PEX13: variants seen among roughly 807,000 people sequenced by gnomAD.
The protein encoded by PEX13 is peroxisome biogenesis factor 13.
A neutral mutation model predicts 34.5 loss-of-function variants in PEX13; 28 were observed. The ratio of observed to expected loss-of-function variants is 0.81; its 90% confidence interval spans 0.60 to 1.11. The LOEUF (loss-of-function observed/expected upper bound fraction) is 1.11, where lower values mean the gene tolerates loss of function less well. PEX13 is among the 50% of genes most tolerant of loss of function. The pLI, the probability that PEX13 is intolerant of heterozygous loss-of-function variation, is 0.00. For missense variants in PEX13, 550 were observed against 491.0 expected (o/e 1.12, Z -1.13); for synonymous variants, 177 against 175.1 (o/e 1.01, Z -0.09).
At chr2:61,047,577 G>C (rs1680723985) in intron 3 of PEX13, among the ~76,000 whole-genome samples, 1 of 152,126 alleles carries the variant, frequency 6.6e-6, no homozygotes, top group African/African-American at 2.4e-5. Flanking sequence ...AGGTCATGTG[G>C]TTTCTTTCAG....
chr2:61,042,967 C>T (rs561412233), intron 2 of PEX13, among the ~76,000 whole-genome samples: 1 of 152,280 alleles, frequency 6.6e-6, no homozygotes, highest in East Asian at 1.9e-4. Context: ...ATGTTGTCAT[C>T]ATGGGAGTGA....
At chr2:61,033,435 T>C (rs1680485059) in intron 2 of PEX13, among the ~76,000 whole-genome samples, 1 of 152,216 alleles carries the variant, frequency 6.6e-6, no homozygotes, top group Admixed American at 6.5e-5. Flanking sequence ...GGATAATGTT[T>C]TATTAACTCA....
At chr2:61,040,847 GTA>G (rs1364315322) in intron 2 of PEX13, among the ~76,000 whole-genome samples, 3 of 146,570 alleles carry the variant, frequency 2.0e-5, no homozygotes, top group African/African-American at 5.0e-5. Context: ...ATATAAAAAA[GTA>G]TATATATGTG....
In PEX13 at chr2:61,050,537, C is replaced by T. The variant is rs993984481; in HGVS notation, c.*1767C>T. ...CGAACATACTACAGAGTAATACTAT[C>T]AGGAATACAGGTGTATAAGAATACA... On this transcript the variant is annotated 3_prime_UTR_variant, in exon 4 of 4. Transcript: ENST00000295030. 4 of 152,256 alleles carry T rather than the reference C, an allele frequency of 2.6e-5. No homozygotes were observed. The highest frequency in any genetic ancestry group is 4.4e-5 in the Non-Finnish European group (3 of 68,024). 9.4% of individuals were successfully genotyped at this position (152,256 alleles called of 1,614,324 possible).
intron 1 of PEX13, among the ~76,000 whole-genome samples, chr2:61,027,352 AC>A (rs1165891206): frequency 4.0e-5 from 6 of 150,216 alleles, no homozygotes; most frequent in African/African-American, 1.5e-4. Flanking sequence ...AAAAAAAAAA[AC>A]AAAACACACA....
At chr2:61,018,022 G>C in intron 1 of PEX13, 171 bp downstream of exon 1, 2 of 1,394,786 alleles carry the variant, frequency 1.4e-6, no homozygotes, top group Non-Finnish European at 1.9e-6. Context: ...GGGGACTTTA[G>C]TGTCTCACAG....
intron 3 of PEX13, among the ~76,000 whole-genome samples, chr2:61,046,414 C>T (rs1477128910): frequency 6.6e-6 from 1 of 152,154 alleles, no homozygotes; most frequent in African/African-American, 2.4e-5. Flanking sequence ...TTCCTTCACC[C>T]TTCCTGAGTA....
chr2:61,024,988 G>C (rs1158345626), intron 1 of PEX13, among the ~76,000 whole-genome samples: 4 of 152,112 alleles, frequency 2.6e-5, no homozygotes, highest in Admixed American at 2.6e-4. Flanking sequence ...GTTGTTTAAA[G>C]TTTCTGCCTA....
chr2:61,023,629 A>C (rs1353826325), intron 1 of PEX13, among the ~76,000 whole-genome samples: 1 of 151,938 alleles, frequency 6.6e-6, no homozygotes, highest in Non-Finnish European at 1.5e-5. Context: ...TATCTGACTC[A>C]CTGTGATTTG....
chr2:61,041,419 A>G (rs938917675), intron 2 of PEX13, among the ~76,000 whole-genome samples: 1 of 152,234 alleles, frequency 6.6e-6, no homozygotes, highest in African/African-American at 2.4e-5. Flanking sequence ...GATGGAAATC[A>G]GGAAGAACAG....
At chr2:61,037,240 G>T (rs1311127988) in intron 2 of PEX13, among the ~76,000 whole-genome samples, 1 of 152,144 alleles carries the variant, frequency 6.6e-6, no homozygotes, top group Non-Finnish European at 1.5e-5. Context: ...GGATATCCAG[G>T]ACTTGAACTC....
At chr2:61,034,411 C>A (rs1324449782) in intron 2 of PEX13, among the ~76,000 whole-genome samples, 1 of 152,224 alleles carries the variant, frequency 6.6e-6, no homozygotes, top group Non-Finnish European at 1.5e-5. Context: ...CGGGTGATAT[C>A]TGCATCTCCA....
chr2:61,027,224 G>A (rs1212227986), intron 1 of PEX13, among the ~76,000 whole-genome samples: 1 of 150,592 alleles, frequency 6.6e-6, no homozygotes, highest in African/African-American at 2.4e-5. Context: ...TGTAGTCCCA[G>A]CTACTTGGGA....
At chr2:61,021,818 C>G (rs1312693847) in intron 1 of PEX13, among the ~76,000 whole-genome samples, 2 of 152,140 alleles carry the variant, frequency 1.3e-5, no homozygotes, top group Non-Finnish European at 1.5e-5. Context: ...GACAAAGCTT[C>G]CAGAGGAAGG....
intron 2 of PEX13, among the ~76,000 whole-genome samples, chr2:61,032,977 C>G (rs569265399): frequency 1.3e-5 from 2 of 152,076 alleles, no homozygotes; most frequent in Non-Finnish European, 2.9e-5. Context: ...AGTAGAAGCT[C>G]TTAATTGGCA....
At chr2:61,037,686 A>G (rs1680558093) in intron 2 of PEX13, among the ~76,000 whole-genome samples, 1 of 152,226 alleles carries the variant, frequency 6.6e-6, no homozygotes, top group Admixed American at 6.5e-5. Flanking sequence ...ACACCCTAAC[A>G]TCACAATTAA....
intron 2 of PEX13, among the ~76,000 whole-genome samples, chr2:61,043,353 CAA>C (rs993156750): frequency 3.6e-5 from 4 of 109,886 alleles, no homozygotes; most frequent in African/African-American, 9.9e-5. Flanking sequence ...AAAAAAAAAA[CAA>C]ATTTTCAAAA....
chr2:61,043,461 C>T (rs780049268), intron 2 of PEX13, among the ~76,000 whole-genome samples: 1 of 151,394 alleles, frequency 6.6e-6, no homozygotes, highest in Non-Finnish European at 1.5e-5. Context: ...GGTTCAACTA[C>T]AGACAAGAAC....
chr2:61,023,441 TC>T (rs1277078814), intron 1 of PEX13, among the ~76,000 whole-genome samples: 1 of 152,054 alleles, frequency 6.6e-6, no homozygotes, highest in Non-Finnish European at 1.5e-5. Flanking sequence ...ATTTTTTTTT[TC>T]TTCCTGCTTA....
Sources: gnomAD v4.1 joint callset for allele counts (sites outside exome capture counted in the v4.1 genomes callset) on GRCh38, gnomAD v4.1.1 for gene constraint, MANE v1.5 for transcripts, NCBI Gene and HGNC (gene_info 2026-07-23, HGNC 2026-07-21) for gene names.